Variants in RBMS3 observed in about 807,000 individuals in gnomAD.
RBMS3 encodes RNA binding motif single stranded interacting protein 3.
A neutral mutation model predicts 66.8 loss-of-function variants in RBMS3; 27 were observed. The observed-to-expected ratio is 0.40, with a 90% CI of 0.30 to 0.56. The LOEUF is 0.56. Among genes scored for constraint, RBMS3 ranks in the 20% least tolerant of loss-of-function variants. RBMS3 has a pLI of 0.40. For missense variants in RBMS3, 513 were observed against 549.5 expected (o/e 0.93, Z 0.66); for synonymous variants, 188 against 183.0 (o/e 1.03, Z -0.22).
At chr3:29,996,909 A>G (rs1297324844) in intron 14 of RBMS3, among the ~76,000 whole-genome samples, 1 of 152,132 alleles carries the variant, frequency 6.6e-6, no homozygotes, top group African/African-American at 2.4e-5. Context: ...GCAAGAAATA[A>G]CTAAAATCAG....
chr3:29,395,111 G>A (rs2039487021), intron 1 of RBMS3, among the ~76,000 whole-genome samples: 2 of 152,116 alleles, frequency 1.3e-5, no homozygotes, highest in South Asian at 4.1e-4. Flanking sequence ...AATAATTCAT[G>A]ATCTGTTCAA....
chr3:29,814,336 C>T (rs1364294858), intron 6 of RBMS3, among the ~76,000 whole-genome samples: 5 of 152,088 alleles, frequency 3.3e-5, no homozygotes, highest in Admixed American at 6.6e-5. Flanking sequence ...GAAGCCCACT[C>T]GATCATGGTG....
chr3:29,998,815 C>T (rs1405603745), intron 14 of RBMS3, among the ~76,000 whole-genome samples: 1 of 152,146 alleles, frequency 6.6e-6, no homozygotes, highest in Non-Finnish European at 1.5e-5. Context: ...ACCATAAAAA[C>T]TCTAGAAGAA....
At chr3:29,575,464 A>G (rs1008779314) in intron 3 of RBMS3, among the ~76,000 whole-genome samples, 1 of 151,888 alleles carries the variant, frequency 6.6e-6, no homozygotes, top group Non-Finnish European at 1.5e-5. Flanking sequence ...TGATTATTAG[A>G]TGCCTTGAGG....
rs539476023 is a variant in RBMS3, at chr3:29,615,413, C to T, written c.399+28208C>T. On this transcript the variant is annotated intron_variant, in intron 4 of 14. Transcript: ENST00000383767. ...ATGTTAATAAAATCTATACCATAGG[C>T]ATTTTTTCCAAAAAATTTAATGAGA... 3.9e-5 allele frequency among the ~76,000 whole-genome samples: 6 copies of T among 151,946 alleles called. 1 individual carries two copies. In the South Asian group the frequency reaches 1.0e-3, roughly 26 times the overall value.
In RBMS3 at chr3:30,003,990, T is replaced by C. The variant is rs1699727805; in HGVS notation, c.*128T>C. 2 of 767,866 alleles carry C rather than the reference T, an allele frequency of 2.6e-6. No homozygotes were observed. Among genetic ancestry groups the C allele is most frequent in the Non-Finnish European group, 3.8e-6 (2 of 531,844 alleles). The allele number at this position is 767,866 out of a possible 1,614,324, so 47.6% of individuals were successfully genotyped here. On this transcript the variant is annotated 3_prime_UTR_variant, in exon 15 of 15. Transcript: ENST00000383767. Reference sequence around the variant, plus strand: ...TTTTTGTTGTTGTTGTTGTTTTTTTTTTAGTGTTATACCTTACCCAATGAA... The same window carrying C: ...TTTTTGTTGTTGTTGTTGTTTTTTTCTTAGTGTTATACCTTACCCAATGAA...
intron 6 of RBMS3, among the ~76,000 whole-genome samples, chr3:29,791,383 T>G (rs1046534834): frequency 1.5e-4 from 23 of 152,230 alleles, no homozygotes; most frequent in African/African-American, 5.5e-4. Flanking sequence ...GCCTCTTATC[T>G]ATCATCTTTG....
At chr3:29,488,594 A>C in intron 3 of RBMS3, 95 bp downstream of exon 3, 6 of 1,090,128 alleles carry the variant, frequency 5.5e-6, no homozygotes, top group Non-Finnish European at 6.7e-6. Flanking sequence ...CTGCACAATG[A>C]TCACAATGCA....
intron 3 of RBMS3, among the ~76,000 whole-genome samples, chr3:29,555,421 CAG>C (rs532012740): frequency 3.9e-4 from 60 of 152,212 alleles, no homozygotes; most frequent in African/African-American, 1.4e-3. Flanking sequence ...TGTCTACAAA[CAG>C]AAACAAAGTT....
intron 1 of RBMS3, among the ~76,000 whole-genome samples, chr3:29,346,313 A>G (rs1373597265): frequency 6.6e-6 from 1 of 151,576 alleles, no homozygotes; most frequent in Non-Finnish European, 1.5e-5. Context: ...AAATAATAGG[A>G]CTGAGAAATT....
intron 5 of RBMS3, among the ~76,000 whole-genome samples, chr3:29,756,507 A>G (rs950289484): frequency 2.0e-5 from 3 of 152,032 alleles, no homozygotes; most frequent in Admixed American, 6.6e-5. Flanking sequence ...CAGGGGAACT[A>G]TCCTTTATAA....
At chr3:29,504,463 T>C (rs1055109520) in intron 3 of RBMS3, among the ~76,000 whole-genome samples, 7 of 152,128 alleles carry the variant, frequency 4.6e-5, no homozygotes, top group African/African-American at 1.7e-4. Context: ...TATTTATTTA[T>C]AAAATTTTAA....
intron 3 of RBMS3, among the ~76,000 whole-genome samples, chr3:29,533,170 C>T (rs1468294842): frequency 6.6e-6 from 1 of 152,112 alleles, no homozygotes; most frequent in Non-Finnish European, 1.5e-5. Context: ...TTTTTAACTA[C>T]TATTACCTAT....
intron 6 of RBMS3, among the ~76,000 whole-genome samples, chr3:29,817,187 C>CT (rs2057933491): frequency 1.2e-5 from 1 of 80,586 alleles, no homozygotes; most frequent in Non-Finnish European, 2.7e-5. Flanking sequence ...TCCAAATTTT[C>CT]TTTTCTTTTT....
intron 6 of RBMS3, among the ~76,000 whole-genome samples, chr3:29,816,891 A>G (rs764615331): frequency 6.6e-6 from 1 of 152,014 alleles, no homozygotes; most frequent in Non-Finnish European, 1.5e-5. Flanking sequence ...GGAGTTCGAG[A>G]CCAGCCTGGC....
At chr3:29,302,022 T>G (rs1407703334) in intron 1 of RBMS3, among the ~76,000 whole-genome samples, 1 of 151,980 alleles carries the variant, frequency 6.6e-6, no homozygotes, top group Non-Finnish European at 1.5e-5. Context: ...TTTTAAAAAG[T>G]TTTTTTGAAG....
At chr3:29,356,127 G>T (rs903866925) in intron 1 of RBMS3, among the ~76,000 whole-genome samples, 2 of 152,142 alleles carry the variant, frequency 1.3e-5, no homozygotes, top group African/African-American at 4.8e-5. Flanking sequence ...CCAGAGAAAA[G>T]TCCTGATAAA....
chr3:29,543,134 C>T (rs903258317), intron 3 of RBMS3, among the ~76,000 whole-genome samples: 4 of 152,046 alleles, frequency 2.6e-5, no homozygotes, highest in African/African-American at 9.7e-5. Context: ...TCTTTGACCT[C>T]CAAGAGACAT....
chr3:29,757,474 C>G (rs1428602864), intron 5 of RBMS3, among the ~76,000 whole-genome samples: 1 of 152,136 alleles, frequency 6.6e-6, no homozygotes, highest in African/African-American at 2.4e-5. Flanking sequence ...CCCATGGTTT[C>G]TAGTCTCTCA....
Sources: allele counts gnomAD v4.1 joint callset (sites outside exome capture counted in the v4.1 genomes callset), GRCh38; gene constraint gnomAD v4.1.1; transcripts MANE v1.5; gene names NCBI Gene and HGNC (gene_info 2026-07-23, HGNC 2026-07-21).